The following MMP17 variants were observed in gnomAD, a reference collection of about 807,000 sequenced individuals.
The protein encoded by MMP17 is matrix metallopeptidase 17.
In MMP17, 54 loss-of-function variants were observed where a neutral mutation model predicts 49.1. That is an observed-to-expected ratio of 1.10 (90% CI 0.88 to 1.38). The LOEUF (loss-of-function observed/expected upper bound fraction) is 1.38. MMP17 is among the 40% of genes most tolerant of loss of function. The pLI is 0.00. For missense variants in MMP17, 837 were observed against 853.7 expected, an observed-to-expected ratio of 0.98 and a Z score of 0.24; for synonymous variants, 397 against 383.1, an observed-to-expected ratio of 1.04 and a Z score of -0.42.
chr12:131,829,044 G>A (rs1196635116), intron 1 of MMP17, among the ~76,000 whole-genome samples: 1 of 152,202 alleles, frequency 6.6e-6, no homozygotes, highest in East Asian at 1.9e-4. Context: ...TGCGTTCCGG[G>A]TGGGAGTGGC....
Position 131,828,961 on chromosome 12 carries a change from C to G in MMP17, c.159+308C>G, listed in dbSNP as rs1886655248. Among the ~76,000 whole-genome samples the G allele has an allele frequency of 3.9e-5, 6 of 152,250 alleles. No individual in the cohort carries two copies. In the South Asian group the frequency reaches 1.2e-3, roughly 32 times the overall value. On this transcript the variant is annotated intron_variant, in intron 1 of 9. Transcript: ENST00000360564. The stretch of plus-strand genomic sequence containing the variant: ...GCCCACCCGGAGCCCGGGTCGCCGG[C>G]TTGCAGCAGCCCCGGAGCAGCCGGG...
intron 1 of MMP17, among the ~76,000 whole-genome samples, chr12:131,830,965 T>C (rs1019616243): frequency 1.3e-5 from 2 of 152,114 alleles, no homozygotes; most frequent in Non-Finnish European, 2.9e-5. Context: ...CAGCCCAGGG[T>C]CTCCACAGGC....
chr12:131,845,218 G>A lies in MMP17; in HGVS notation c.1051+18G>A, dbSNP rs370411599. Reference sequence around the variant, plus strand: ...CTTCAAAGGTACCTCCAGGGTTCCCGTGGCGGTTGGCTGAGGGCCATGGCC... The same window carrying A: ...CTTCAAAGGTACCTCCAGGGTTCCCATGGCGGTTGGCTGAGGGCCATGGCC... On this transcript the variant is annotated intron_variant, in intron 7 of 9. Coordinates refer to ENST00000360564, the MANE Select transcript of MMP17 (RefSeq NM_016155.7). 2.0e-5 allele frequency: 33 copies of A among 1,613,932 alleles called. No homozygotes were observed. Among genetic ancestry groups the A allele is most frequent in the African/African-American group, 2.0e-4 (15 of 74,942 alleles).
rs867479923 is a variant in MMP17, at chr12:131,849,801, G to A, written c.1205-1G>A. 5 of 1,608,296 alleles carry A rather than the reference G, an allele frequency of 3.1e-6. No individual in the cohort carries two copies. In the African/African-American group the frequency reaches 6.7e-5, roughly 21 times the overall value. ...CCCACAGCTGTTTCTCTCGCCCCCA[G>A]GAGACAGGTACTGGGTGTTCAAGGA... On this transcript the variant is annotated splice_acceptor_variant, in intron 8 of 9. Coordinates refer to ENST00000360564, the MANE Select transcript of MMP17 (RefSeq NM_016155.7). LOFTEE classifies it high-confidence loss of function.
rs753684537 is a variant in MMP17, at chr12:131,845,201, G to A, written c.1051+1G>A. ...CGGGGTGAAGCTTTCTTCTTCAAAG[G>A]TACCTCCAGGGTTCCCGTGGCGGTT... is the stretch of plus-strand genomic sequence containing the variant. On this transcript the variant is annotated splice_donor_variant, in intron 7 of 9. Transcript: ENST00000360564. LOFTEE classifies it high-confidence loss of function. 1.2e-6 allele frequency: 2 copies of A among 1,613,990 alleles called. No individual in the cohort carries two copies. Among genetic ancestry groups the A allele is most frequent in the African/African-American group, 1.3e-5 (1 of 75,026 alleles).
chr12:131,850,807 C>A (rs1045544157), intron 9 of MMP17, 118 bp from the exon 10 acceptor site: 2 of 720,594 alleles, frequency 2.8e-6, no homozygotes, highest in Non-Finnish European at 4.1e-6. Context: ...CTGTCTGGCC[C>A]GACTCGAGCC....
intron 3 of MMP17, among the ~76,000 whole-genome samples, chr12:131,839,168 G>A (rs1870874733): frequency 6.6e-6 from 1 of 152,076 alleles, no homozygotes; most frequent in Non-Finnish European, 1.5e-5. Context: ...GGCAGCCCTC[G>A]ATGGAATCAC....
chr12:131,845,087 CCT>C, intron 6 of MMP17, 29 bp from the exon 7 acceptor site: 1 of 1,612,308 alleles, frequency 6.2e-7, no homozygotes, highest in Non-Finnish European at 8.5e-7. Context: ...CCAGGCCCCG[CCT>C]CCCAGCCCAC....
chr12:131,850,869 T>A, intron 9 of MMP17, 56 bp from the exon 10 acceptor site: 2 of 1,346,380 alleles, frequency 1.5e-6, no homozygotes, highest in Non-Finnish European at 2.0e-6. Flanking sequence ...GCTGTCCGGC[T>A]CGAGCCCCTC....
At position 131,838,730 on chromosome 12, in the gene MMP17, C is replaced by A. The variant is rs917879745; in HGVS notation, c.411C>A (p.Asn137Lys). The change falls in exon 3 of 10, where the codon AAC becomes AAA. Residue 137 changes from asparagine (N) to lysine (K), a missense_variant. Transcript: ENST00000360564. ...APAPTKWNKR[N>K]LSWRVRTFPR... ...CCCCCACCAAGTGGAACAAGAGGAA[C>A]CTGTCGTGGAGGTGGGTGTGTGGCC... 1 of 1,580,820 alleles carries A rather than the reference C, an allele frequency of 6.3e-7. No individual in the cohort carries two copies.
chr12:131,845,390 T>A lies in MMP17; in HGVS notation c.1145T>A (p.Leu382Gln). Reference sequence around the variant, plus strand: ...TTCTGGCGGGGCCTGCCGCTGCACCTGGACAGCGTGGACGCCGTGTACGAG... The same window carrying A: ...TTCTGGCGGGGCCTGCCGCTGCACCAGGACAGCGTGGACGCCGTGTACGAG... ...HRFWRGLPLH[L>Q]DSVDAVYERT... Residue 382 changes from leucine (L) to glutamine (Q), a missense_variant, in exon 8 of 10, where the codon CTG (leucine) becomes CAG (glutamine). Leu to Gln is a moderately radical substitution (Grantham distance 113). Transcript: ENST00000360564. The A allele has an allele frequency of 6.3e-7, 1 of 1,594,328 alleles. No individual in the cohort carries two copies. The highest frequency in any genetic ancestry group is 8.5e-7 in the Non-Finnish European group (1 of 1,173,198).
rs751237403 is a variant in MMP17, at chr12:131,840,704, T to C, written c.554T>C (p.Ile185Thr). 23 of 1,605,476 alleles carry C rather than the reference T, an allele frequency of 1.4e-5. No homozygotes were observed. The highest frequency in any genetic ancestry group is 1.9e-5 in the Non-Finnish European group (23 of 1,179,908). The change falls in exon 4 of 10, where the codon ATC (isoleucine) becomes ACC (threonine). Residue 185 changes from isoleucine to threonine, a missense_variant. Physicochemically the swap from Ile to Thr is moderately conservative, Grantham distance 89. Coordinates refer to ENST00000360564, the MANE Select transcript of MMP17 (RefSeq NM_016155.7). ...FHEVAGSAAD[I>T]QIDFSKADHN... Reference sequence around the variant, plus strand: ...GAGGTGGCGGGCAGCGCCGCCGACATCCAGATCGACTTCTCCAAGGCCGAC... The same window carrying C: ...GAGGTGGCGGGCAGCGCCGCCGACACCCAGATCGACTTCTCCAAGGCCGAC...
At chr12:131,849,180 C>G (rs1292611207) in intron 8 of MMP17, among the ~76,000 whole-genome samples, 1 of 152,126 alleles carries the variant, frequency 6.6e-6, no homozygotes, top group Non-Finnish European at 1.5e-5. Context: ...ATCTATATTT[C>G]TTGGGAGAAA....
At chr12:131,831,484 C>A (rs921824980) in intron 1 of MMP17, among the ~76,000 whole-genome samples, 1 of 151,966 alleles carries the variant, frequency 6.6e-6, no homozygotes, top group African/African-American at 2.4e-5. Context: ...ACCTTGTCAT[C>A]GCCCTGGCTG....
At chr12:131,847,779 AC>A (rs1185832340) in intron 8 of MMP17, among the ~76,000 whole-genome samples, 5 of 152,232 alleles carry the variant, frequency 3.3e-5, no homozygotes, top group African/African-American at 1.2e-4. Context: ...AGGTTTCGCT[AC>A]CATAAAGCCC....
chr12:131,839,173 A>C (rs369281621), intron 3 of MMP17, among the ~76,000 whole-genome samples: 1 of 152,052 alleles, frequency 6.6e-6, no homozygotes, highest in East Asian at 1.9e-4. Context: ...CCCTCGATGG[A>C]ATCACCAGCC....
At chr12:131,849,775 G>GC (rs1381627910) in intron 8 of MMP17, 27 bp from the exon 9 acceptor site, 1 of 1,597,258 alleles carries the variant, frequency 6.3e-7, no homozygotes, top group Non-Finnish European at 8.6e-7. Flanking sequence ...CCGAGCCCCG[G>GC]CCCACAGCTG....
chr12:131,839,101 G>T (rs1449411058), intron 3 of MMP17, among the ~76,000 whole-genome samples: 1 of 152,188 alleles, frequency 6.6e-6, no homozygotes, highest in Admixed American at 6.5e-5. Context: ...GCTGGATGGT[G>T]CCCTGGGGAG....
chr12:131,849,101 G>A (rs150941200), intron 8 of MMP17, among the ~76,000 whole-genome samples: 3 of 152,332 alleles, frequency 2.0e-5, no homozygotes, highest in East Asian at 1.9e-4. Context: ...CAGTGGGGGC[G>A]AGGGGGCGTC....
Sources: allele counts gnomAD v4.1 joint callset (sites outside exome capture counted in the v4.1 genomes callset), GRCh38; gene constraint gnomAD v4.1.1; transcripts MANE v1.5; gene names NCBI Gene and HGNC (gene_info 2026-07-23, HGNC 2026-07-21).